ULK4: variants seen among roughly 807,000 people sequenced by gnomAD.
The protein encoded by ULK4 is unc-51 like kinase 4.
Under a neutral mutation model 160.6 loss-of-function variants are expected in ULK4, and 133 were observed. The ratio of observed to expected loss-of-function variants is 0.83; its 90% confidence interval spans 0.72 to 0.96. The LOEUF is 0.96. Among genes scored for constraint, ULK4 ranks in the 40% least tolerant of loss-of-function variants. ULK4 has a pLI of 0.00. For missense variants in ULK4, 1,580 were observed against 1,499.5 expected (o/e 1.05, Z -0.89); for synonymous variants, 534 against 539.8 (o/e 0.99, Z 0.15).
At chr3:41,611,803 A>G (rs1331749739) in intron 31 of ULK4, among the ~76,000 whole-genome samples, 1 of 152,126 alleles carries the variant, frequency 6.6e-6, no homozygotes, top group Non-Finnish European at 1.5e-5. Flanking sequence ...AGCATAAATT[A>G]TTTGCAAAGC....
intron 33 of ULK4, among the ~76,000 whole-genome samples, chr3:41,457,679 A>T (rs1395810760): frequency 6.6e-6 from 1 of 152,142 alleles, no homozygotes; most frequent in Non-Finnish European, 1.5e-5. Context: ...CCCTCATGTC[A>T]GCCTCCTAAC....
chr3:41,545,686 A>C (rs1052934618), intron 32 of ULK4, among the ~76,000 whole-genome samples: 1 of 152,110 alleles, frequency 6.6e-6, no homozygotes, highest in Non-Finnish European at 1.5e-5. Flanking sequence ...ATTTGTGAAG[A>C]TCTTGGCCAT....
intron 34 of ULK4, among the ~76,000 whole-genome samples, chr3:41,448,784 G>GA (rs1415181480): frequency 6.6e-6 from 1 of 152,206 alleles, no homozygotes; most frequent in Non-Finnish European, 1.5e-5. Flanking sequence ...GATGGCGAAG[G>GA]AAAAGACAAG....
intron 17 of ULK4, among the ~76,000 whole-genome samples, chr3:41,842,241 G>T (rs970304060): frequency 4.7e-5 from 7 of 149,282 alleles, no homozygotes; most frequent in Non-Finnish European, 1.0e-4. Flanking sequence ...CGAAGTTCAA[G>T]GTTGCAGTGA....
In ULK4 at chr3:41,954,652, A is replaced by C. The variant is rs1559675057; in HGVS notation, c.108T>G (p.Asp36Glu). ...TINFVAILCT[D>E]KCKRPEITNW... Reference sequence around the variant, plus strand: ...TGGTTATTTCAGGCCTTTTGCACTTATCAGTACAAAGAATGGCTACAAAAT... The same window carrying C: ...TGGTTATTTCAGGCCTTTTGCACTTCTCAGTACAAAGAATGGCTACAAAAT... The change falls in exon 2 of 37, where the codon GAT becomes GAG. Residue 36 changes from aspartate to glutamate, a missense_variant. By Grantham distance (45) the Asp-to-Glu change is conservative (BLOSUM62 2). Transcript: ENST00000301831. 1 of 1,613,918 alleles carries C rather than the reference A, an allele frequency of 6.2e-7. No homozygotes were observed. Among genetic ancestry groups the C allele is most frequent in the Admixed American group, 1.7e-5 (1 of 60,002 alleles).
chr3:41,669,236 A>G (rs2035449631), intron 29 of ULK4, among the ~76,000 whole-genome samples: 1 of 152,148 alleles, frequency 6.6e-6, no homozygotes, highest in Non-Finnish European at 1.5e-5. Flanking sequence ...TACCTTTAAA[A>G]TGCATATAAT....
intron 35 of ULK4, among the ~76,000 whole-genome samples, chr3:41,329,195 A>C (rs1380467107): frequency 1.3e-5 from 2 of 152,230 alleles, no homozygotes; most frequent in Non-Finnish European, 2.9e-5. Flanking sequence ...CTTGAGATTC[A>C]TCCAAGTTGC....
In ULK4 at chr3:41,631,721, C is replaced by T. The variant is rs80278626; in HGVS notation, c.3072-16004G>A. Among the ~76,000 whole-genome samples the T allele has an allele frequency of 5.3e-5, 8 of 152,160 alleles. No homozygotes were observed. The East Asian group carries it at 7.7e-4, about 15-fold the overall frequency. On this transcript the variant is annotated intron_variant, in intron 30 of 36. Coordinates refer to ENST00000301831, the MANE Select transcript of ULK4 (RefSeq NM_017886.4). ...AACAAAATAAGGCCATGGAGTGTTT[C>T]GACCACAGAGAGTACAAAAGGAGAA...
intron 34 of ULK4, among the ~76,000 whole-genome samples, chr3:41,413,371 G>A (rs560898052): frequency 8.5e-5 from 13 of 152,184 alleles, no homozygotes; most frequent in African/African-American, 2.6e-4. Context: ...AGAAAACATG[G>A]GAGAAAATAT....
chr3:41,748,721 C>T (rs530741188), intron 22 of ULK4, among the ~76,000 whole-genome samples: 2 of 152,300 alleles, frequency 1.3e-5, no homozygotes, highest in South Asian at 4.1e-4. Flanking sequence ...ACTTTCCATT[C>T]TGTCTTTTGT....
chr3:41,574,562 G>C lies in ULK4; in HGVS notation c.3121-8432C>G, dbSNP rs13058894. The stretch of plus-strand genomic sequence containing the variant: ...TTTTTTTTTTTTTTTTTTTTTTTGA[G>C]ACAGAGTCTTGCTCTGCCACCCAGG... On this transcript the variant is annotated intron_variant, in intron 31 of 36. Transcript: ENST00000301831. 7.6e-5 allele frequency among the ~76,000 whole-genome samples: 4 copies of C among 52,382 alleles called. No individual in the cohort carries two copies. In the Admixed American group the frequency reaches 9.4e-4, roughly 12 times the overall value. 34.4% of individuals were successfully genotyped at this position (52,382 alleles called of 152,430 possible).
intron 29 of ULK4, among the ~76,000 whole-genome samples, chr3:41,670,074 T>G (rs546837005): frequency 3.3e-5 from 5 of 152,248 alleles, no homozygotes; most frequent in Admixed American, 2.6e-4. Context: ...AGGGAAGGAT[T>G]TGAGGAAGGT....
At chr3:41,657,088 C>G (rs1450530581) in intron 30 of ULK4, among the ~76,000 whole-genome samples, 2 of 152,176 alleles carry the variant, frequency 1.3e-5, no homozygotes, top group East Asian at 3.9e-4. Flanking sequence ...ATTTACCTTT[C>G]TGCTATACAC....
intron 19 of ULK4, among the ~76,000 whole-genome samples, chr3:41,813,520 GAA>G (rs2040875207): frequency 6.6e-6 from 1 of 152,126 alleles, no homozygotes; most frequent in African/African-American, 2.4e-5. Context: ...CATTTAATTA[GAA>G]GAGACTGGGC....
At chr3:41,411,888 C>T (rs377681028) in intron 34 of ULK4, among the ~76,000 whole-genome samples, 11 of 151,858 alleles carry the variant, frequency 7.2e-5, no homozygotes, top group African/African-American at 1.9e-4. Flanking sequence ...CCTGAAATTA[C>T]GAAGACAGAC....
At chr3:41,505,647 GA>G (rs924184472) in intron 32 of ULK4, among the ~76,000 whole-genome samples, 3 of 151,924 alleles carry the variant, frequency 2.0e-5, no homozygotes, top group African/African-American at 7.3e-5. Context: ...TATAGCAATT[GA>G]TTTTTTTATA....
At chr3:41,470,026 A>C (rs1008355633) in intron 32 of ULK4, among the ~76,000 whole-genome samples, 1 of 140,926 alleles carries the variant, frequency 7.1e-6, no homozygotes, top group Non-Finnish European at 1.6e-5. Flanking sequence ...CAGAAAAAAA[A>C]AAAAAAAAAA....
rs200957844 is a variant in ULK4 at position 41,883,244 on chromosome 3, CAT to C, written c.1656+628_1656+629del. Among the ~76,000 whole-genome samples the C allele has an allele frequency of 8.8e-3, 1,345 of 152,248 alleles. 7 individuals are homozygous for C. Among genetic ancestry groups the C allele is most frequent in the Middle Eastern group, 0.031 (9 of 294 alleles). On this transcript the variant is annotated intron_variant, in intron 17 of 36. Transcript: ENST00000301831. ...TGGCTACTACAGTGGACAAGACAGA[CAT>C]AGAAATTTTTCCAATTTTTCTTAAA...
At chr3:41,404,829 A>G (rs2082261222) in intron 34 of ULK4, among the ~76,000 whole-genome samples, 1 of 152,218 alleles carries the variant, frequency 6.6e-6, no homozygotes, top group Admixed American at 6.5e-5. Flanking sequence ...CCCTTGACAG[A>G]TGCCAGCTAC....
Sources: gnomAD v4.1 joint callset for allele counts (sites outside exome capture counted in the v4.1 genomes callset) on GRCh38, gnomAD v4.1.1 for gene constraint, MANE v1.5 for transcripts, NCBI Gene and HGNC (gene_info 2026-07-23, HGNC 2026-07-21) for gene names.